SPECC1L: variants seen among roughly 807,000 people sequenced by gnomAD.
SPECC1L encodes sperm antigen with calponin homology and coiled-coil domains 1 like, also known as cytospin-A.
A neutral mutation model predicts 116.8 loss-of-function variants in SPECC1L; 40 were observed. The ratio of observed to expected loss-of-function variants is 0.34; its 90% CI spans 0.27 to 0.45. The LOEUF (loss-of-function observed/expected upper bound fraction) is 0.45. Ranked by LOEUF, SPECC1L falls within the 20% of genes least tolerant of loss-of-function variation. SPECC1L has a pLI of 1.00. For synonymous variants in SPECC1L, 504 were observed against 500.6 expected (o/e 1.01, Z -0.09); for missense variants, 1,110 against 1,373.6 (o/e 0.81, Z 3.03).
At chr22:24,404,781 C>T (rs547551359) in intron 14 of SPECC1L, among the ~76,000 whole-genome samples, 1 of 152,314 alleles carries the variant, frequency 6.6e-6, no homozygotes, top group Admixed American at 6.5e-5. Flanking sequence ...AGATGCCCGC[C>T]CACCCATGAA....
intron 14 of SPECC1L, among the ~76,000 whole-genome samples, chr22:24,394,545 A>G (rs1025193067): frequency 4.6e-5 from 7 of 152,240 alleles, no homozygotes; most frequent in Non-Finnish European, 1.0e-4. Flanking sequence ...GCATAAGGAC[A>G]TCTGAAAAGT....
At chr22:24,334,345 G>A in intron 8 of SPECC1L, 65 bp from the exon 9 acceptor site, 2 of 1,557,198 alleles carry the variant, frequency 1.3e-6, no homozygotes, top group Non-Finnish European at 1.8e-6. Context: ...CTTTCAGCTG[G>A]GAGGGGAAAA....
intron 14 of SPECC1L, among the ~76,000 whole-genome samples, chr22:24,405,746 A>G (rs796274157): frequency 1.1e-4 from 16 of 151,952 alleles, no homozygotes; most frequent in African/African-American, 3.6e-4. Context: ...AGGCTGATGC[A>G]GAGAATTGCT....
At chr22:24,296,473 T>G (rs2049264946) in intron 2 of SPECC1L, among the ~76,000 whole-genome samples, 1 of 152,270 alleles carries the variant, frequency 6.6e-6, no homozygotes, top group Admixed American at 6.5e-5. Flanking sequence ...CACAATGTTT[T>G]TATGAGGAGA....
rs774791001 is a variant in SPECC1L at position 24,324,295 on chromosome 22, T to C, written c.2014T>C (p.Leu672=). 1 of 1,613,994 alleles carries C rather than the reference T, an allele frequency of 6.2e-7. No homozygotes were observed. The highest frequency in any genetic ancestry group is 1.1e-5 in the South Asian group (1 of 91,082). Residue 672 remains leucine, a synonymous_variant, in exon 6 of 17, where the codon TTA becomes CTA. Transcript: ENST00000314328. ...IEDLNMTLEK[L]RSDLDEKETE... is the part of the protein sequence containing the mutation. ...AGATTTGAATATGACGTTAGAAAAA[T>C]TAAGATCAGACCTGGATGAAAAAGA...
At chr22:24,365,101 G>A (rs748291255) in intron 12 of SPECC1L, among the ~76,000 whole-genome samples, 2 of 152,056 alleles carry the variant, frequency 1.3e-5, no homozygotes, top group East Asian at 1.9e-4. Context: ...TCCACCACCC[G>A]GGTTTAAGCA....
chr22:24,286,993 G>T (rs569216225), intron 2 of SPECC1L, among the ~76,000 whole-genome samples: 3 of 152,206 alleles, frequency 2.0e-5, no homozygotes, highest in Admixed American at 6.5e-5. Context: ...CCTAAATGTT[G>T]TCTGGATAAA....
intron 14 of SPECC1L, among the ~76,000 whole-genome samples, chr22:24,380,362 G>T (rs1010796677): frequency 2.0e-5 from 3 of 152,174 alleles, no homozygotes; most frequent in Non-Finnish European, 4.4e-5. Context: ...AAAAGAGCAG[G>T]TTGTGACACT....
At chr22:24,368,811 T>C (rs543759680) in intron 13 of SPECC1L, among the ~76,000 whole-genome samples, 23 of 152,302 alleles carry the variant, frequency 1.5e-4, no homozygotes, top group African/African-American at 5.5e-4. Context: ...CATGCCCAGC[T>C]AATTTTTATA....
At chr22:24,342,497 C>T (rs566317006) in intron 10 of SPECC1L, among the ~76,000 whole-genome samples, 1 of 151,786 alleles carries the variant, frequency 6.6e-6, no homozygotes, top group Non-Finnish European at 1.5e-5. Context: ...ATGGCGAAAC[C>T]CCATCTCTAC....
At chr22:24,351,405 A>C (rs1027310264) in intron 11 of SPECC1L, among the ~76,000 whole-genome samples, 1 of 152,184 alleles carries the variant, frequency 6.6e-6, no homozygotes, top group Middle Eastern at 3.2e-3. Context: ...GGTTATTGAA[A>C]ACACAGATTA....
intron 11 of SPECC1L, among the ~76,000 whole-genome samples, chr22:24,349,453 T>G (rs956492201): frequency 6.6e-6 from 1 of 152,232 alleles, no homozygotes; most frequent in Non-Finnish European, 1.5e-5. Flanking sequence ...CTCATGACTT[T>G]AAATACTATT....
At chr22:24,290,028 C>T (rs949336901) in intron 2 of SPECC1L, among the ~76,000 whole-genome samples, 8 of 152,182 alleles carry the variant, frequency 5.3e-5, no homozygotes, top group Admixed American at 5.2e-4. Flanking sequence ...TATTCCACTC[C>T]ACTGCAGCAT....
In SPECC1L at chr22:24,322,516, C is replaced by A; in HGVS notation, c.1536C>A (p.Val512=). The part of the protein sequence containing the change: ...ARFEREQLLG[V]QQHLSNTLKM... ...TTGAACGGGAGCAGCTTCTTGGTGT[C>A]CAGCAGCATTTAAGCAATACTTTGA... Residue 512 remains valine, a synonymous_variant, in exon 5 of 17, where the codon GTC becomes GTA. Transcript: ENST00000314328. 1 of 1,614,090 alleles carries A rather than the reference C, an allele frequency of 6.2e-7. No homozygotes were observed. The highest frequency in any genetic ancestry group is 8.5e-7 in the Non-Finnish European group (1 of 1,180,018).
In SPECC1L at chr22:24,328,834, T is replaced by C. The variant is rs1181883099; in HGVS notation, c.2147-12T>C. ...GTGAGAATAGATATTTAAACTTTGG[T>C]GATCTTTTCAGATACAGTTAAAAAA... On this transcript the variant is annotated splice_polypyrimidine_tract_variant and intron_variant, in intron 6 of 16. Transcript: ENST00000314328. 4 of 1,602,882 alleles carry C rather than the reference T, an allele frequency of 2.5e-6. No homozygotes were observed. The African/African-American group carries it at 5.4e-5, about 21-fold the overall frequency.
At chr22:24,292,965 T>G (rs912522041) in intron 2 of SPECC1L, among the ~76,000 whole-genome samples, 1 of 152,138 alleles carries the variant, frequency 6.6e-6, no homozygotes, top group Admixed American at 6.5e-5. Flanking sequence ...GAATACAGAT[T>G]ACACAGCAAT....
intron 14 of SPECC1L, among the ~76,000 whole-genome samples, chr22:24,392,013 T>C (rs1377831841): frequency 4.6e-5 from 7 of 152,146 alleles, no homozygotes; most frequent in Non-Finnish European, 1.0e-4. Flanking sequence ...TTAGAGGAAG[T>C]CAGACTTGAG....
rs149560130 is a variant in SPECC1L at position 24,415,960 on chromosome 22, T to C, written c.*1337T>C. The stretch of plus-strand genomic sequence containing the variant: ...TTGAACAATGTCCAGACAAGACCTG[T>C]ACCTTTGAGAATATAACTGTGTTTG... On this transcript the variant is annotated 3_prime_UTR_variant, in exon 17 of 17. Transcript: ENST00000314328. 5.3e-5 allele frequency: 8 copies of C among 152,358 alleles called. No individual in the cohort carries two copies. The highest frequency in any genetic ancestry group is 1.9e-4 in the African/African-American group (8 of 41,578). 9.4% of individuals were successfully genotyped at this position (152,358 alleles called of 1,614,324 possible).
chr22:24,338,770 C>G (rs535878967), intron 10 of SPECC1L, among the ~76,000 whole-genome samples: 1 of 152,282 alleles, frequency 6.6e-6, no homozygotes, highest in South Asian at 2.1e-4. Flanking sequence ...TTAATCCTTA[C>G]AACTCTTGGG....
Sources: allele counts gnomAD v4.1 joint callset (sites outside exome capture counted in the v4.1 genomes callset), GRCh38; gene constraint gnomAD v4.1.1; transcripts MANE v1.5; gene names NCBI Gene and HGNC (gene_info 2026-07-23, HGNC 2026-07-21).